Variants in SH2D4A observed in about 807,000 individuals in gnomAD.
SH2D4A encodes the protein SH2 domain-containing protein 4A.
In SH2D4A, 70 loss-of-function variants were observed where a neutral mutation model predicts 64.7. That is an observed-to-expected ratio of 1.08 (90% CI 0.89 to 1.32). The LOEUF is 1.32. Among genes scored for constraint, SH2D4A ranks in the 40% most tolerant of loss-of-function variants. The probability of loss-of-function intolerance (pLI) is 0.00; values close to 1 mark genes in which losing one functional copy is unlikely to be tolerated. For synonymous variants in SH2D4A, 268 were observed against 200.7 expected (o/e 1.34, Z -2.83); for missense variants, 706 against 540.1 (o/e 1.31, Z -3.04).
chr8:19,337,218 C>T, intron 4 of SH2D4A, among the ~76,000 whole-genome samples: 1 of 152,122 alleles, frequency 6.6e-6, no homozygotes, highest in Non-Finnish European at 1.5e-5. Context: ...TGCTGAAGTT[C>T]ACTCTGACAG....
rs1000253901 is a variant in SH2D4A at position 19,364,103 on chromosome 8, A to T, written c.738A>T (p.Arg246Ser). The T allele has an allele frequency of 2.5e-6, 4 of 1,613,832 alleles. No individual in the cohort carries two copies. In the African/African-American group the frequency reaches 5.3e-5, roughly 22 times the overall value. ...LRKSKAADEKRRSLAKQARED... is the reference protein window; with the variant it reads ...LRKSKAADEKSRSLAKQARED... ...AATCCAAAGCAGCTGATGAGAAGAG[A>T]CGCTCCTTGGCTAAACAAGCACGAG... The change falls in exon 7 of 10, where the codon AGA (arginine) becomes AGT (serine). Residue 246 changes from arginine to serine, a missense_variant. Coordinates refer to ENST00000265807, the MANE Select transcript of SH2D4A (RefSeq NM_022071.4).
At chr8:19,369,032 A>T (rs1260303024) in intron 7 of SH2D4A, among the ~76,000 whole-genome samples, 4 of 152,130 alleles carry the variant, frequency 2.6e-5, no homozygotes, top group Non-Finnish European at 5.9e-5. Flanking sequence ...TAAAGGTTTT[A>T]TCATGAAGGG....
At chr8:19,339,826 G>A (rs948638584) in intron 4 of SH2D4A, among the ~76,000 whole-genome samples, 1 of 152,084 alleles carries the variant, frequency 6.6e-6, no homozygotes, top group Non-Finnish European at 1.5e-5. Flanking sequence ...TAGCTTAAAT[G>A]TATCGACAGT....
chr8:19,357,145 T>C, intron 4 of SH2D4A, 58 bp from the exon 5 acceptor site: 1 of 1,333,552 alleles, frequency 7.5e-7, no homozygotes, highest in Admixed American at 1.7e-5. Context: ...TGACAGATTA[T>C]CTTATGAAAC....
intron 8 of SH2D4A, among the ~76,000 whole-genome samples, chr8:19,374,289 T>G (rs1378904188): frequency 1.3e-5 from 2 of 152,154 alleles, no homozygotes; most frequent in African/African-American, 4.8e-5. Flanking sequence ...AAGCCCCTCT[T>G]CCACCCAGCA....
At chr8:19,380,591 G>A (rs1215382113) in intron 8 of SH2D4A, among the ~76,000 whole-genome samples, 2 of 151,976 alleles carry the variant, frequency 1.3e-5, no homozygotes, top group South Asian at 2.1e-4. Flanking sequence ...TTTCACATGC[G>A]GTTATGCAAT....
At chr8:19,386,207 G>A (rs1377142866) in intron 8 of SH2D4A, among the ~76,000 whole-genome samples, 2 of 152,132 alleles carry the variant, frequency 1.3e-5, no homozygotes, top group African/African-American at 4.8e-5. Flanking sequence ...TATCCTCCAT[G>A]GTCCCCCTAT....
chr8:19,364,197 C>A lies in SH2D4A; in HGVS notation c.832C>A (p.Arg278Ser), dbSNP rs1487441213. 6.2e-7 allele frequency: 1 copy of A among 1,614,056 alleles called. No individual in the cohort carries two copies. The highest frequency in any genetic ancestry group is 8.5e-7 in the Non-Finnish European group (1 of 1,180,016). ...RGGERLQSPLRVPQKPERPPL... is the reference protein window; with the variant it reads ...RGGERLQSPLSVPQKPERPPL... ...CGGTGAGAGGCTGCAAAGCCCCTTG[C>A]GTGTTCCGCAGAAACCAGAAAGACC... is the stretch of plus-strand genomic sequence containing the variant. Residue 278 changes from arginine to serine, a missense_variant, in exon 7 of 10, where the codon CGT (arginine) becomes AGT (serine). Coordinates refer to ENST00000265807, the MANE Select transcript of SH2D4A (RefSeq NM_022071.4).
In SH2D4A at chr8:19,357,368, G is replaced by A. The variant is rs1268834098; in HGVS notation, c.594+85G>A. 4.0e-6 allele frequency: 4 copies of A among 997,496 alleles called. No homozygotes were observed. The Admixed American group carries it at 5.8e-5, about 15-fold the overall frequency. 61.8% of individuals were successfully genotyped at this position (997,496 alleles called of 1,614,324 possible). A position where few individuals can be genotyped will look rare whatever the true frequency, so the allele number is the denominator to read the frequency against. ...TCACAGATTAGTTAATTAATCTCAT[G>A]CAGAAATGAAATTAAGCAGCAGGAT... On this transcript the variant is annotated intron_variant, in intron 5 of 9. Transcript: ENST00000265807.
chr8:19,394,761 G>GAAAGT lies in SH2D4A; in HGVS notation c.*126_*130dup, dbSNP rs36092909. ...GCAGCAGAGCCAATACTGATCAACT[G>GAAAGT]AAAGTAAAGTATCCATGGAGTCCTC... is the stretch of plus-strand genomic sequence containing the variant. On this transcript the variant is annotated 3_prime_UTR_variant, in exon 10 of 10. Coordinates refer to ENST00000265807, the MANE Select transcript of SH2D4A (RefSeq NM_022071.4). 5 of 523,486 alleles carry GAAAGT rather than the reference G, an allele frequency of 9.6e-6. No homozygotes were observed. Among genetic ancestry groups the GAAAGT allele is most frequent in the South Asian group, 7.8e-5 (2 of 25,674 alleles). 32.4% of individuals were successfully genotyped at this position (523,486 alleles called of 1,614,324 possible). A position where few individuals can be genotyped will look rare whatever the true frequency, so the allele number is the denominator to read the frequency against.
intron 8 of SH2D4A, among the ~76,000 whole-genome samples, chr8:19,382,823 C>CTTTTTTTT (rs1159245319): frequency 0.011 from 681 of 64,634 alleles, 61 homozygotes; most frequent in Non-Finnish European, 0.015. Flanking sequence ...TTTTAAGATT[C>CTTTTTTTT]TTTTTTTTTT....
intron 7 of SH2D4A, 80 bp from the exon 8 acceptor site, chr8:19,373,444 GTATATA>G (rs10692584): frequency 3.1e-4 from 188 of 600,634 alleles, no homozygotes; most frequent in Middle Eastern, 5.8e-4. Flanking sequence ...ATGTGTGTGT[GTATATA>G]TATATATATA....
intron 4 of SH2D4A, among the ~76,000 whole-genome samples, chr8:19,349,936 T>G (rs1180072438): frequency 6.6e-6 from 1 of 152,118 alleles, no homozygotes; most frequent in Admixed American, 6.5e-5. Context: ...ACTCCTGACC[T>G]CAAGTGACCT....
chr8:19,333,668 T>C (rs543020355), intron 3 of SH2D4A, among the ~76,000 whole-genome samples: 3 of 152,246 alleles, frequency 2.0e-5, no homozygotes, highest in African/African-American at 7.2e-5. Context: ...GGAGGAGAAG[T>C]AGACATATGC....
intron 1 of SH2D4A, among the ~76,000 whole-genome samples, chr8:19,317,910 T>C (rs556206231): frequency 6.6e-6 from 1 of 152,230 alleles, no homozygotes; most frequent in East Asian, 1.9e-4. Context: ...TTTTTTCTTT[T>C]TTTATTTTTG....
rs1001414347 is a variant in SH2D4A at position 19,395,527 on chromosome 8, A to C, written c.*885A>C. ...TTGCAGATATAGTCAAGATGAGGTC[A>C]CATTGGATTAGGGTGGGCCCCAAAT... On this transcript the variant is annotated 3_prime_UTR_variant, in exon 10 of 10. Transcript: ENST00000265807. 1 of 152,224 alleles carries C rather than the reference A, an allele frequency of 6.6e-6. No homozygotes were observed. 9.4% of individuals were successfully genotyped at this position (152,224 alleles called of 1,614,324 possible). A position where few individuals can be genotyped will look rare whatever the true frequency, so the allele number is the denominator to read the frequency against.
In SH2D4A at chr8:19,334,778, T is replaced by G; in HGVS notation, c.434T>G (p.Ile145Ser). 2 of 1,613,966 alleles carry G rather than the reference T, an allele frequency of 1.2e-6. No individual in the cohort carries two copies. The highest frequency in any genetic ancestry group is 1.1e-5 in the South Asian group (1 of 91,062). ...QAPDNQQTKDIWKKVAEKEEL... is the reference protein window; with the variant it reads ...QAPDNQQTKDSWKKVAEKEEL... ...CCGGATAACCAGCAGACTAAAGACATCTGGAAGAAAGTGGCAGAAAAGGAG... is the reference window on the plus strand; with the variant it reads ...CCGGATAACCAGCAGACTAAAGACAGCTGGAAGAAAGTGGCAGAAAAGGAG... The change falls in exon 4 of 10, where the codon ATC becomes AGC. Residue 145 changes from isoleucine to serine, a missense_variant. By Grantham distance (142) the Ile-to-Ser change is moderately radical (BLOSUM62 -2). Coordinates refer to ENST00000265807, the MANE Select transcript of SH2D4A (RefSeq NM_022071.4).
rs1315091953 is a variant in SH2D4A at position 19,394,556 on chromosome 8, C to A, written c.1279C>A (p.Pro427Thr). 1 of 1,604,546 alleles carries A rather than the reference C, an allele frequency of 6.2e-7. No individual in the cohort carries two copies. The highest frequency in any genetic ancestry group is 8.5e-7 in the Non-Finnish European group (1 of 1,174,514). The change falls in exon 10 of 10, where the codon CCC (proline) becomes ACC (threonine). Residue 427 changes from proline to threonine, a missense_variant. By Grantham distance (38) the Pro-to-Thr change is conservative. Transcript: ENST00000265807. Reference protein sequence around the residue: ...ADLVEYHKEEPITSLGKELLL... With the variant: ...ADLVEYHKEETITSLGKELLL... ...CGTGCCTTCTGATTGACAGGAGGAA[C>A]CCATCACTTCCCTGGGGAAGGAGCT... is the stretch of plus-strand genomic sequence containing the variant.
intron 5 of SH2D4A, among the ~76,000 whole-genome samples, chr8:19,358,893 G>C (rs1318381450): frequency 6.6e-6 from 1 of 152,050 alleles, no homozygotes; most frequent in African/African-American, 2.4e-5. Flanking sequence ...CACACATCTG[G>C]GTCTCCACAC....
Sources: gnomAD v4.1 joint callset for allele counts (sites outside exome capture counted in the v4.1 genomes callset) on GRCh38, gnomAD v4.1.1 for gene constraint, MANE v1.5 for transcripts, NCBI Gene and HGNC (gene_info 2026-07-23, HGNC 2026-07-21) for gene names.